MYO1B: variants seen among roughly 807,000 people sequenced by gnomAD.
MYO1B encodes unconventional myosin-Ib.
A neutral mutation model predicts 159.7 loss-of-function variants in MYO1B; 72 were observed. The ratio of observed to expected loss-of-function variants is 0.45; its 90% CI spans 0.37 to 0.55. The LOEUF (loss-of-function observed/expected upper bound fraction) is 0.55. MYO1B is among the 20% of genes least tolerant of loss of function. The pLI, the probability that MYO1B is intolerant of heterozygous loss-of-function variation, is 0.00. For synonymous variants in MYO1B, 468 were observed against 473.8 expected (o/e 0.99, Z 0.16); for missense variants, 1,062 against 1,364.8 (o/e 0.78, Z 3.50).
intron 13 of MYO1B, 79 bp from the exon 14 acceptor site, chr2:191,381,383 A>T: frequency 1.0e-6 from 1 of 998,776 alleles, no homozygotes; most frequent in Non-Finnish European, 1.6e-6. Context: ...TTTCTCATGG[A>T]TTGAGATGTC....
intron 2 of MYO1B, among the ~76,000 whole-genome samples, chr2:191,295,791 A>G (rs1418432888): frequency 6.6e-6 from 1 of 152,246 alleles, no homozygotes; most frequent in Non-Finnish European, 1.5e-5. Flanking sequence ...TACAGTTAGC[A>G]GTAGTTTGTG....
At chr2:191,296,495 CTAAT>C (rs1449985916) in intron 3 of MYO1B, among the ~76,000 whole-genome samples, 3 of 152,062 alleles carry the variant, frequency 2.0e-5, no homozygotes, top group Non-Finnish European at 4.4e-5. Context: ...GCAGCTGCTG[CTAAT>C]TATTTTTGCA....
chr2:191,258,807 A>C (rs1418628709), intron 1 of MYO1B, among the ~76,000 whole-genome samples: 1 of 152,222 alleles, frequency 6.6e-6, no homozygotes, highest in Non-Finnish European at 1.5e-5. Context: ...ATAATGCTAG[A>C]ACTGCCAGCC....
intron 2 of MYO1B, among the ~76,000 whole-genome samples, chr2:191,292,931 A>C (rs1688769515): frequency 6.6e-6 from 1 of 152,192 alleles, no homozygotes; most frequent in African/African-American, 2.4e-5. Flanking sequence ...GGAATCACTC[A>C]TGTGGCCTTA....
Position 191,370,240 on chromosome 2 carries a change from T to C in MYO1B, c.1133T>C (p.Val378Ala). The change falls in exon 13 of 31, where the codon GTG becomes GCG. Residue 378 changes from valine to alanine, a missense_variant. Coordinates refer to ENST00000392318, the MANE Select transcript of MYO1B (RefSeq NM_001130158.3). ...AACTTTTTAAAGGCACAAACAAAAG[T>C]GAGAAAGAAGGTCATGGGTGTTCTG... ...INESIKAQTK[V>A]RKKVMGVLDI... The C allele has an allele frequency of 6.2e-7, 1 of 1,612,470 alleles. No individual in the cohort carries two copies. Among genetic ancestry groups the C allele is most frequent in the Non-Finnish European group, 8.5e-7 (1 of 1,179,070 alleles).
intron 4 of MYO1B, among the ~76,000 whole-genome samples, chr2:191,335,402 T>C (rs958656546): frequency 6.6e-6 from 1 of 152,166 alleles, no homozygotes; most frequent in African/African-American, 2.4e-5. Flanking sequence ...GCCAAGAATA[T>C]TGTGTGTTGT....
At position 191,360,751 on chromosome 2, in the gene MYO1B, G is replaced by GTGTTGTTGTTGT. The variant is rs71403288; in HGVS notation, c.661+49_661+60dup. ...CTCAGTAAGTCTCTGTTTCTATGTG[G>GTGTTGTTGTTGT]TGTTGTTGTTGTTGTTGTTGTTGTT... On this transcript the variant is annotated intron_variant, in intron 8 of 30. Transcript: ENST00000392318. The GTGTTGTTGTTGT allele has an allele frequency of 6.6e-3, 7,414 of 1,117,950 alleles. 43 individuals carry two copies. Among genetic ancestry groups the GTGTTGTTGTTGT allele is most frequent in the South Asian group, 0.011 (770 of 70,266 alleles). 69.3% of individuals were successfully genotyped at this position (1,117,950 alleles called of 1,614,324 possible).
intron 4 of MYO1B, among the ~76,000 whole-genome samples, chr2:191,337,721 C>G (rs1249380793): frequency 6.6e-6 from 1 of 152,050 alleles, no homozygotes; most frequent in East Asian, 1.9e-4. Context: ...AGAATTGATT[C>G]TAAACAATGC....
intron 27 of MYO1B, among the ~76,000 whole-genome samples, chr2:191,413,804 A>G (rs554536463): frequency 1.3e-5 from 2 of 152,164 alleles, no homozygotes; most frequent in South Asian, 2.1e-4. Context: ...TCCGTGTGAT[A>G]AGATTATTAT....
intron 15 of MYO1B, among the ~76,000 whole-genome samples, chr2:191,383,842 T>C (rs577665557): frequency 2.4e-4 from 37 of 152,214 alleles, no homozygotes; most frequent in African/African-American, 8.7e-4. Context: ...AAAATATCCA[T>C]TTCATTCCCA....
Position 191,363,762 on chromosome 2 carries a change from A to T in MYO1B, c.800A>T (p.Glu267Val), listed in dbSNP as rs922280282. 2 of 1,613,744 alleles carry T rather than the reference A, an allele frequency of 1.2e-6. No individual in the cohort carries two copies. The highest frequency in any genetic ancestry group is 1.7e-6 in the Non-Finnish European group (2 of 1,179,926). ...CAGATTGTGGGCTTTATGGATCATG[A>T]AGCTGAGTCTGTCTTGGCGGTGGTG... ...AMQIVGFMDHEAESVLAVVAA... is the reference protein window; with the variant it reads ...AMQIVGFMDHVAESVLAVVAA... Residue 267 changes from glutamate (E) to valine (V), a missense_variant, in exon 10 of 31, where the codon GAA becomes GTA. This residue lies in a region of MYO1B where 415 missense variants were observed against 544.0 expected (regional missense o/e 0.76). Transcript: ENST00000392318.
chr2:191,351,428 A>T (rs538761231), intron 7 of MYO1B, among the ~76,000 whole-genome samples: 37 of 150,884 alleles, frequency 2.5e-4, no homozygotes, highest in African/African-American at 9.1e-4. Flanking sequence ...GAAAATTATT[A>T]TTTAGTAATT....
At chr2:191,283,941 A>T (rs1415184986) in intron 2 of MYO1B, among the ~76,000 whole-genome samples, 1 of 152,258 alleles carries the variant, frequency 6.6e-6, no homozygotes, top group Non-Finnish European at 1.5e-5. Flanking sequence ...GTGCAGTGAC[A>T]TGAACCAGCG....
intron 21 of MYO1B, 109 bp from the exon 22 acceptor site, chr2:191,400,273 C>T (rs1030057417): frequency 8.5e-7 from 1 of 1,180,958 alleles, no homozygotes. Context: ...GTTGATTTAT[C>T]ACAATAGCAT....
intron 27 of MYO1B, 32 bp downstream of exon 27, chr2:191,411,204 A>G (rs1209755694): frequency 1.4e-6 from 2 of 1,411,108 alleles, no homozygotes; most frequent in Non-Finnish European, 1.9e-6. Flanking sequence ...CATAAAATTC[A>G]GGATTATAAA....
intron 7 of MYO1B, among the ~76,000 whole-genome samples, chr2:191,356,688 G>A (rs547501324): frequency 6.6e-6 from 1 of 152,252 alleles, no homozygotes; most frequent in Non-Finnish European, 1.5e-5. Context: ...GTGTTTATTA[G>A]GGTAGTAAAT....
chr2:191,407,887 G>A, intron 24 of MYO1B: 1 of 344,130 alleles, frequency 2.9e-6, no homozygotes, highest in Non-Finnish European at 5.2e-6. Context: ...ACTACTAAGA[G>A]GATTTAAAAC....
intron 27 of MYO1B, among the ~76,000 whole-genome samples, chr2:191,413,568 G>GAGA (rs1697380513): frequency 6.6e-6 from 1 of 152,128 alleles, no homozygotes; most frequent in Non-Finnish European, 1.5e-5. Flanking sequence ...AAGGCCTATT[G>GAGA]ATTTTCTTAT....
At chr2:191,401,431 C>G (rs1040083151) in intron 23 of MYO1B, 2 of 152,182 alleles carry the variant, frequency 1.3e-5, no homozygotes, top group African/African-American at 4.8e-5. Context: ...CCAGGAATTT[C>G]AGCATCAGCT....
Sources: gnomAD v4.1 joint callset for allele counts (sites outside exome capture counted in the v4.1 genomes callset) on GRCh38, gnomAD v4.1.1 for gene constraint, gnomAD v4.1.1 regional missense constraint, MANE v1.5 for transcripts, NCBI Gene and HGNC (gene_info 2026-07-23, HGNC 2026-07-21) for gene names.